Variants in NHSL2 observed in about 807,000 individuals in gnomAD.
The protein encoded by NHSL2 is NHS like 2.
A neutral mutation model predicts 53.4 loss-of-function variants in NHSL2; 27 were observed. The observed-to-expected ratio is 0.51, with a 90% CI of 0.37 to 0.70. The LOEUF (loss-of-function observed/expected upper bound fraction) is 0.70. NHSL2 is among the 30% of genes least tolerant of loss of function. NHSL2 has a pLI of 0.00. For missense variants in NHSL2, 892 were observed against 980.1 expected (o/e 0.91, Z 1.20); for synonymous variants, 408 against 404.1 (o/e 1.01, Z -0.12).
At chrX:72,132,440 C>G (rs892649143) in intron 2 of NHSL2, among the ~76,000 whole-genome samples, 1 of 111,643 alleles carries the variant, frequency 9.0e-6, no homozygotes, top group Admixed American at 9.4e-5. Flanking sequence ...CCATCCCCAG[C>G]CCCTTTTTTC....
At chrX:72,073,492 C>A (rs758040996) in intron 1 of NHSL2, among the ~76,000 whole-genome samples, 3 of 112,227 alleles carry the variant, frequency 2.7e-5, no homozygotes, top group African/African-American at 9.7e-5. Flanking sequence ...ATACAGCATA[C>A]GCATAGCTGT....
Position 72,151,168 on chromosome X carries a change from C to A in NHSL2, c.*7594C>A, listed in dbSNP as rs1490416768. 1 of 109,702 alleles carries A rather than the reference C, an allele frequency of 9.1e-6. No homozygotes were observed. Among genetic ancestry groups the A allele is most frequent in the Non-Finnish European group, 1.9e-5 (1 of 52,974 alleles). The allele number at this position is 109,702 out of a possible 1,213,427, so 9.0% of individuals were successfully genotyped here. A position where few individuals can be genotyped will look rare whatever the true frequency, so the allele number is the denominator to read the frequency against. On this transcript the variant is annotated 3_prime_UTR_variant, in exon 8 of 8. Coordinates refer to ENST00000633930, the MANE Select transcript of NHSL2 (RefSeq NM_001013627.3). ...TAGCTGGGACTATAGGTGCGTGCCA[C>A]CATGCCCAGCTAATATTTTTTTTTT...
At chrX:71,989,038 G>A (rs1168537835) in intron 1 of NHSL2, among the ~76,000 whole-genome samples, 1 of 111,513 alleles carries the variant, frequency 9.0e-6, no homozygotes, top group Non-Finnish European at 1.9e-5. Flanking sequence ...GTTCCATCAA[G>A]TATGAGCTGC....
At chrX:72,003,234 A>G (rs2042079620) in intron 1 of NHSL2, among the ~76,000 whole-genome samples, 1 of 111,289 alleles carries the variant, frequency 9.0e-6, no homozygotes, top group African/African-American at 3.3e-5. Context: ...GGTTTGCCAT[A>G]CTTTGGTTCT....
At chrX:71,955,210 A>C (rs2041837657) in intron 1 of NHSL2, among the ~76,000 whole-genome samples, 1 of 112,214 alleles carries the variant, frequency 8.9e-6, no homozygotes, top group Non-Finnish European at 1.9e-5. Flanking sequence ...TATGTGCTTC[A>C]GTTTCCTTCT....
chrX:72,123,322 T>A (rs1044567441), intron 1 of NHSL2, among the ~76,000 whole-genome samples: 1 of 111,691 alleles, frequency 9.0e-6, no homozygotes, highest in African/African-American at 3.3e-5. Flanking sequence ...AATGAGCAGA[T>A]AGGGAAGAAA....
At chrX:72,018,752 A>G (rs752089547) in intron 1 of NHSL2, among the ~76,000 whole-genome samples, 2,658 of 112,257 alleles carry the variant, frequency 0.024, 36 homozygotes, top group Middle Eastern at 0.038. Context: ...CGCCAGCCCG[A>G]TGCCCGGCAG....
chrX:71,966,941 GTTA>G (rs2041903522), intron 1 of NHSL2, among the ~76,000 whole-genome samples: 1 of 111,899 alleles, frequency 8.9e-6, no homozygotes, highest in African/African-American at 3.2e-5. Context: ...GTTTTGAAAG[GTTA>G]TTAATTACTG....
chrX:72,005,818 A>C (rs950855616), intron 1 of NHSL2, among the ~76,000 whole-genome samples: 12 of 112,162 alleles, frequency 1.1e-4, no homozygotes, highest in African/African-American at 3.9e-4. Context: ...AGGGGCAGGC[A>C]TCGAGATGGC....
intron 1 of NHSL2, among the ~76,000 whole-genome samples, chrX:72,095,739 C>G (rs2041938790): frequency 8.9e-6 from 1 of 112,023 alleles, no homozygotes; most frequent in Non-Finnish European, 1.9e-5. Context: ...TTTTGACCCC[C>G]ATAGACCTGG....
chrX:72,039,511 C>T (rs940909562), intron 1 of NHSL2, among the ~76,000 whole-genome samples: 5 of 111,581 alleles, frequency 4.5e-5, no homozygotes, highest in Non-Finnish European at 9.4e-5. Context: ...AGTGTAGTGG[C>T]GTACACTTCC....
intron 1 of NHSL2, among the ~76,000 whole-genome samples, chrX:72,094,306 A>C (rs142932749): frequency 3.6e-5 from 4 of 111,625 alleles, no homozygotes; most frequent in South Asian, 3.7e-4. Context: ...GGTATGGACA[A>C]TTTGATGCAA....
intron 1 of NHSL2, among the ~76,000 whole-genome samples, chrX:72,066,042 G>A (rs912213014): frequency 2.7e-5 from 3 of 111,760 alleles, no homozygotes; most frequent in Non-Finnish European, 3.8e-5. Context: ...TTTGATTTAT[G>A]TTTGTAAAAG....
intron 1 of NHSL2, among the ~76,000 whole-genome samples, chrX:72,080,813 G>A: frequency 9.0e-6 from 1 of 111,704 alleles, no homozygotes. Flanking sequence ...TCCTGTCACT[G>A]GTCTTCTGTA....
intron 1 of NHSL2, among the ~76,000 whole-genome samples, chrX:72,045,587 C>T (rs935263318): frequency 9.0e-6 from 1 of 111,688 alleles, no homozygotes; most frequent in Admixed American, 9.4e-5. Context: ...TTGCAGTCCC[C>T]CTCTTATACC....
chrX:71,972,645 G>A (rs2041930343), intron 1 of NHSL2, among the ~76,000 whole-genome samples: 1 of 111,856 alleles, frequency 8.9e-6, no homozygotes, highest in South Asian at 3.7e-4. Flanking sequence ...CTTATTAGAT[G>A]TGCATATTAA....
At chrX:72,037,690 TGTCACTTGATTTCTACCA>T (rs2042248859) in intron 1 of NHSL2, among the ~76,000 whole-genome samples, 1 of 112,018 alleles carries the variant, frequency 8.9e-6, no homozygotes, top group African/African-American at 3.3e-5. Flanking sequence ...CCTGTGAAAC[TGTCACTTGATTTCTACCA>T]GTGCCCCCAG....
chrX:72,031,943 C>T (rs2042217340), intron 1 of NHSL2, among the ~76,000 whole-genome samples: 1 of 111,484 alleles, frequency 9.0e-6, no homozygotes, highest in African/African-American at 3.3e-5. Context: ...TGGTACAATC[C>T]GCAGAGCGTA....
At chrX:72,018,901 A>G (rs1027785251) in intron 1 of NHSL2, among the ~76,000 whole-genome samples, 4 of 112,985 alleles carry the variant, frequency 3.5e-5, no homozygotes, top group Non-Finnish European at 7.5e-5. Context: ...GCAGTGCCAG[A>G]GGTGGCTCTG....
Sources: allele counts gnomAD v4.1 joint callset (sites outside exome capture counted in the v4.1 genomes callset), GRCh38; gene constraint gnomAD v4.1.1; transcripts MANE v1.5; gene names NCBI Gene and HGNC (gene_info 2026-07-23, HGNC 2026-07-21).